The following HEATR3 variants were observed in gnomAD, a reference collection of about 807,000 sequenced individuals.
HEATR3 encodes HEAT repeat-containing protein 3.
HEATR3 carries 56 observed loss-of-function variants against 72.8 expected under a neutral mutation model. That is an observed-to-expected ratio of 0.77 (90% confidence interval 0.62 to 0.96). The LOEUF (loss-of-function observed/expected upper bound fraction) is 0.96. Ranked by LOEUF, HEATR3 falls within the 40% of genes least tolerant of loss-of-function variation. The pLI, the probability that HEATR3 is intolerant of heterozygous loss-of-function variation, is 0.00. For missense variants in HEATR3, 747 were observed against 831.4 expected, an observed-to-expected ratio of 0.90 and a Z score of 1.25; for synonymous variants, 331 against 318.1, an observed-to-expected ratio of 1.04 and a Z score of -0.43.
At chr16:50,086,073 G>T (rs2036979729) in intron 10 of HEATR3, 142 bp from the exon 11 acceptor site, 2 of 735,916 alleles carry the variant, frequency 2.7e-6, no homozygotes. Context: ...AGTTCACCTT[G>T]TGATTCTTTG....
intron 6 of HEATR3, among the ~76,000 whole-genome samples, chr16:50,076,129 TTTC>T (rs1350878717): frequency 6.6e-6 from 1 of 152,206 alleles, no homozygotes; most frequent in African/African-American, 2.4e-5. Flanking sequence ...ATGTATCTAT[TTTC>T]TTCTTGCCCT....
rs746532572 is a variant in HEATR3, at chr16:50,084,276, C to T, written c.1275C>T (p.Tyr425=). 3.1e-5 allele frequency: 50 copies of T among 1,613,750 alleles called. 2 individuals are homozygous for T. In the South Asian group the frequency reaches 5.3e-4, roughly 17 times the overall value. ...AAGTTCACACGGCTCTCACCAACTACCTCATCCCAAAGAAGGTAATCCATT... is the reference window on the plus strand; with the variant it reads ...AAGTTCACACGGCTCTCACCAACTATCTCATCCCAAAGAAGGTAATCCATT... The part of the protein sequence containing the change: ...SHEVHTALTN[Y]LIPKKIFEKT... Residue 425 remains tyrosine, a synonymous_variant, in exon 9 of 15, where the codon TAC becomes TAT. Transcript: ENST00000299192.
Position 50,107,110 on chromosome 16 carries a change from A to AATAT in HEATR3, c.*2051_*2054dup, listed in dbSNP as rs1475049263. The stretch of plus-strand genomic sequence containing the variant: ...TTCTCTCTGCCTCAATTATTTATAA[A>AATAT]ATATAATTATTTTCAAGGAGAAAAA... On this transcript the variant is annotated 3_prime_UTR_variant, in exon 15 of 15. Coordinates refer to ENST00000299192, the MANE Select transcript of HEATR3 (RefSeq NM_182922.4). Among the ~76,000 whole-genome samples the AATAT allele has an allele frequency of 6.6e-6, 1 of 152,202 alleles. No individual in the cohort carries two copies. Among genetic ancestry groups the AATAT allele is most frequent in the Non-Finnish European group, 1.5e-5 (1 of 68,046 alleles).
At chr16:50,075,462 G>A in intron 5 of HEATR3, 109 bp from the exon 6 acceptor site, 1 of 1,011,780 alleles carries the variant, frequency 9.9e-7, no homozygotes, top group Non-Finnish European at 1.5e-6. Flanking sequence ...AAACCTACAT[G>A]TGTCTAATGA....
intron 7 of HEATR3, among the ~76,000 whole-genome samples, chr16:50,081,178 G>A (rs1429293471): frequency 1.3e-5 from 2 of 152,148 alleles, no homozygotes; most frequent in Non-Finnish European, 2.9e-5. Flanking sequence ...GGTGGCTCAC[G>A]CCTATAATCC....
At chr16:50,068,746 T>G in intron 2 of HEATR3, 34 bp from the exon 3 acceptor site, 1 of 1,504,692 alleles carries the variant, frequency 6.6e-7, no homozygotes. Flanking sequence ...ACATGTGATG[T>G]GAAAGTAAAA....
At chr16:50,096,209 C>T (rs1420913719) in intron 12 of HEATR3, among the ~76,000 whole-genome samples, 1 of 151,228 alleles carries the variant, frequency 6.6e-6, no homozygotes, top group East Asian at 2.0e-4. Context: ...CCTATAATCC[C>T]AGCTACTTGG....
intron 7 of HEATR3, among the ~76,000 whole-genome samples, chr16:50,082,248 C>T (rs2036882901): frequency 6.6e-6 from 1 of 152,030 alleles, no homozygotes; most frequent in Non-Finnish European, 1.5e-5. Flanking sequence ...GAGGCTGAGA[C>T]ATGAGAATCG....
intron 12 of HEATR3, among the ~76,000 whole-genome samples, chr16:50,096,854 T>A (rs1200954398): frequency 3.9e-5 from 6 of 152,196 alleles, no homozygotes; most frequent in Non-Finnish European, 8.8e-5. Flanking sequence ...CTCATATTCT[T>A]AAATCTCTTA....
At chr16:50,070,528 C>T (rs535203004) in intron 4 of HEATR3, among the ~76,000 whole-genome samples, 2 of 152,182 alleles carry the variant, frequency 1.3e-5, no homozygotes, top group East Asian at 1.9e-4. Context: ...TGTGAAACCC[C>T]GTCTCTACCA....
intron 11 of HEATR3, among the ~76,000 whole-genome samples, chr16:50,089,160 T>G (rs193124915): frequency 6.6e-6 from 1 of 152,164 alleles, no homozygotes; most frequent in East Asian, 1.9e-4. Flanking sequence ...TGGGAAAATA[T>G]AACTAAGCAC....
At chr16:50,079,083 C>T in intron 7 of HEATR3, 65 bp downstream of exon 7, 2 of 1,479,506 alleles carry the variant, frequency 1.4e-6, no homozygotes, top group Non-Finnish European at 1.8e-6. Context: ...AGCAGTTATC[C>T]TTGGCTTTGC....
intron 12 of HEATR3, among the ~76,000 whole-genome samples, chr16:50,097,179 A>G: frequency 6.6e-6 from 1 of 152,266 alleles, no homozygotes; most frequent in Non-Finnish European, 1.5e-5. Flanking sequence ...CACAAATCAT[A>G]TGATATTATA....
At chr16:50,090,886 T>G (rs1171591687) in intron 11 of HEATR3, among the ~76,000 whole-genome samples, 1 of 152,196 alleles carries the variant, frequency 6.6e-6, no homozygotes, top group Non-Finnish European at 1.5e-5. Context: ...GGCTCACACC[T>G]GTAATCCCAG....
At position 50,102,313 on chromosome 16, in the gene HEATR3, G is replaced by A. The variant is rs752981043; in HGVS notation, c.1798G>A (p.Ala600Thr). ...VTTKDPSLVV[A>T]GEALDALFDV... is the part of the protein sequence containing the mutation. Reference sequence around the variant, plus strand: ...CACCAAAGATCCTTCCCTTGTGGTAGCAGGAGAAGCTTTGGATGCCCTCTT... The same window carrying A: ...CACCAAAGATCCTTCCCTTGTGGTAACAGGAGAAGCTTTGGATGCCCTCTT... The change falls in exon 14 of 15, where the codon GCA (alanine) becomes ACA (threonine). Residue 600 changes from alanine (A) to threonine (T), a missense_variant. Transcript: ENST00000299192. The A allele has an allele frequency of 1.2e-6, 2 of 1,614,066 alleles. No individual in the cohort carries two copies. Among genetic ancestry groups the A allele is most frequent in the East Asian group, 4.5e-5 (2 of 44,884 alleles).
intron 11 of HEATR3, 143 bp downstream of exon 11, chr16:50,086,494 C>A: frequency 2.2e-6 from 2 of 905,624 alleles, no homozygotes; most frequent in Non-Finnish European, 3.2e-6. Context: ...TTTATAGTTG[C>A]CATGGGGTAC....
intron 12 of HEATR3, 143 bp from the exon 13 acceptor site, chr16:50,100,087 A>T: frequency 1.6e-6 from 1 of 611,692 alleles, no homozygotes; most frequent in Non-Finnish European, 2.5e-6. Flanking sequence ...AATACATATT[A>T]ATAGTAACTT....
chr16:50,105,243 G>A lies in HEATR3; in HGVS notation c.*182G>A. On this transcript the variant is annotated 3_prime_UTR_variant, in exon 15 of 15. Coordinates refer to ENST00000299192, the MANE Select transcript of HEATR3 (RefSeq NM_182922.4). ...TCACGCCTATAATCCCAGCACCTTG[G>A]GAGACCGAGGCGGGTGGATCACTTG... 1 of 564,286 alleles carries A rather than the reference G, an allele frequency of 1.8e-6. No individual in the cohort carries two copies. Among genetic ancestry groups the A allele is most frequent in the Non-Finnish European group, 3.0e-6 (1 of 337,976 alleles). 35.0% of individuals were successfully genotyped at this position (564,286 alleles called of 1,614,324 possible). A position where few individuals can be genotyped will look rare whatever the true frequency, so the allele number is the denominator to read the frequency against.
At chr16:50,074,193 T>A (rs1460539705) in intron 5 of HEATR3, 2 of 152,222 alleles carry the variant, frequency 1.3e-5, no homozygotes, top group Non-Finnish European at 2.9e-5. Flanking sequence ...TACTTTTATA[T>A]AAACTACTTT....
Sources: allele counts gnomAD v4.1 joint callset (sites outside exome capture counted in the v4.1 genomes callset), GRCh38; gene constraint gnomAD v4.1.1; transcripts MANE v1.5; gene names NCBI Gene and HGNC (gene_info 2026-07-23, HGNC 2026-07-21).